RAB31: variants seen among roughly 807,000 people sequenced by gnomAD.
RAB31 encodes ras-related protein Rab-31.
Under a neutral mutation model 25.6 loss-of-function variants are expected in RAB31, and 21 were observed. The ratio of observed to expected loss-of-function variants is 0.82; its 90% CI spans 0.58 to 1.18. The LOEUF is 1.18. RAB31 is among the 50% of genes most tolerant of loss of function. The pLI, the probability that RAB31 is intolerant of heterozygous loss-of-function variation, is 0.00. For synonymous variants in RAB31, 87 were observed against 84.0 expected, an observed-to-expected ratio of 1.04 and a Z score of -0.20; for missense variants, 196 against 250.1, an observed-to-expected ratio of 0.78 and a Z score of 1.46.
rs549675266 is a variant in RAB31, at chr18:9,811,295, G to A, written c.202-2725G>A. ...TCCTTTCTCTTCAGGATGGAGACCT[G>A]CATGGAGGGACTGGAGGCAGGGAGG... is the stretch of plus-strand genomic sequence containing the variant. On this transcript the variant is annotated intron_variant, in intron 3 of 6. Coordinates refer to ENST00000578921, the MANE Select transcript of RAB31 (RefSeq NM_006868.4). 5.3e-5 allele frequency among the ~76,000 whole-genome samples: 8 copies of A among 152,292 alleles called. No homozygotes were observed. In the East Asian group the frequency reaches 1.5e-3, roughly 29 times the overall value.
chr18:9,739,352 G>A (rs925116731), intron 1 of RAB31, among the ~76,000 whole-genome samples: 35 of 152,212 alleles, frequency 2.3e-4, no homozygotes, highest in Non-Finnish European at 5.9e-5. Context: ...AGCACCTGTA[G>A]TCCCAGCTAC....
At position 9,718,568 on chromosome 18, in the gene RAB31, G is replaced by T. The variant is rs116207998; in HGVS notation, c.39+10124G>T. Among the ~76,000 whole-genome samples the T allele has an allele frequency of 8.7e-3, 1,318 of 152,226 alleles. 19 individuals carry two copies. The highest frequency in any genetic ancestry group is 0.03 in the African/African-American group (1,249 of 41,544). On this transcript the variant is annotated intron_variant, in intron 1 of 6. Coordinates refer to ENST00000578921, the MANE Select transcript of RAB31 (RefSeq NM_006868.4). ...GCCACTGCAACCAGCCTTATTTTCT[G>T]AACTTTCATAATAAACTTCTAAAGA...
At chr18:9,855,280 A>G (rs1347269653) in intron 6 of RAB31, among the ~76,000 whole-genome samples, 2 of 152,162 alleles carry the variant, frequency 1.3e-5, no homozygotes, top group African/African-American at 4.8e-5. Flanking sequence ...AACTTCTCCT[A>G]GACAGCATCT....
chr18:9,767,874 C>T (rs2068324331), intron 1 of RAB31, among the ~76,000 whole-genome samples: 1 of 152,098 alleles, frequency 6.6e-6, no homozygotes, highest in Non-Finnish European at 1.5e-5. Flanking sequence ...CCCCTAGCCC[C>T]CTGCCCCCTG....
rs755728327 is a variant in RAB31 at position 9,859,346 on chromosome 18, G to A, written c.*21G>A. The A allele has an allele frequency of 8.2e-6, 13 of 1,588,756 alleles. No individual in the cohort carries two copies. The South Asian group carries it at 1.3e-4, about 16-fold the overall frequency. On this transcript the variant is annotated 3_prime_UTR_variant, in exon 7 of 7. Coordinates refer to ENST00000578921, the MANE Select transcript of RAB31 (RefSeq NM_006868.4). ...GTTGACCCAAGGGCCGTGGTCCACG[G>A]TACTTGAAGAAGCCAGAGCCCACAT...
At chr18:9,832,539 G>C (rs183732081) in intron 5 of RAB31, among the ~76,000 whole-genome samples, 1 of 152,228 alleles carries the variant, frequency 6.6e-6, no homozygotes, top group African/African-American at 2.4e-5. Flanking sequence ...CGAAGGAGGA[G>C]AAGAAGGAAA....
intron 2 of RAB31, among the ~76,000 whole-genome samples, chr18:9,788,806 A>G (rs1246645508): frequency 6.6e-6 from 1 of 152,124 alleles, no homozygotes; most frequent in Non-Finnish European, 1.5e-5. Context: ...TCTCTACTAA[A>G]GTAAATTACA....
intron 1 of RAB31, among the ~76,000 whole-genome samples, chr18:9,732,090 C>T (rs1179871895): frequency 1.3e-5 from 2 of 152,196 alleles, no homozygotes; most frequent in African/African-American, 4.8e-5. Flanking sequence ...GATGCCCAGC[C>T]TCCGTCTCCC....
At chr18:9,710,575 G>A (rs1215933423) in intron 1 of RAB31, among the ~76,000 whole-genome samples, 13 of 152,126 alleles carry the variant, frequency 8.5e-5, no homozygotes, top group African/African-American at 2.7e-4. Context: ...AATCGTGGCC[G>A]GTCGCGTTGG....
chr18:9,816,603 G>T (rs1350267343), intron 5 of RAB31, among the ~76,000 whole-genome samples: 1 of 152,214 alleles, frequency 6.6e-6, no homozygotes, highest in Non-Finnish European at 1.5e-5. Flanking sequence ...CACATTGTAT[G>T]TGAGTACCTT....
At chr18:9,792,068 G>A in intron 2 of RAB31, 86 bp from the exon 3 acceptor site, 10 of 1,510,882 alleles carry the variant, frequency 6.6e-6, no homozygotes, top group Non-Finnish European at 8.9e-6. Flanking sequence ...GGGTCCTGCT[G>A]AGGTGTAGCA....
At chr18:9,765,996 A>G (rs1380884229) in intron 1 of RAB31, among the ~76,000 whole-genome samples, 1 of 151,968 alleles carries the variant, frequency 6.6e-6, no homozygotes, top group Non-Finnish European at 1.5e-5. Flanking sequence ...TCTTCCCCTT[A>G]GGCAAAGCTT....
Position 9,859,231 on chromosome 18 carries a change from G to A in RAB31, c.494G>A (p.Arg165His), listed in dbSNP as rs200908119. The A allele has an allele frequency of 5.5e-5, 89 of 1,612,866 alleles. No individual in the cohort carries two copies. The highest frequency in any genetic ancestry group is 5.5e-4 in the African/African-American group (41 of 74,838). ...CTTGGCCTCCTTTTTGTTGCAGGCC[G>A]CCAGATCCCACCCTTGGACCCCCAT... Reference protein sequence around the residue: ...NIEELFQGISRQIPPLDPHEN... With the variant: ...NIEELFQGISHQIPPLDPHEN... Residue 165 changes from arginine (R) to histidine (H), a missense_variant, in exon 7 of 7, where the codon CGC (arginine) becomes CAC (histidine). By Grantham distance (29) the Arg-to-His change is conservative. Coordinates refer to ENST00000578921, the MANE Select transcript of RAB31 (RefSeq NM_006868.4).
chr18:9,776,068 G>A (rs1045877645), intron 2 of RAB31, among the ~76,000 whole-genome samples: 1 of 152,188 alleles, frequency 6.6e-6, no homozygotes, highest in Non-Finnish European at 1.5e-5. Context: ...GAGATTACAG[G>A]CATGGGTCAC....
chr18:9,762,712 G>A (rs1315199375), intron 1 of RAB31, among the ~76,000 whole-genome samples: 1 of 152,196 alleles, frequency 6.6e-6, no homozygotes, highest in African/African-American at 2.4e-5. Context: ...AGGAGTTATG[G>A]AACTTGCTCT....
At chr18:9,815,040 TG>T in intron 4 of RAB31, 75 bp from the exon 5 acceptor site, 3 of 1,064,034 alleles carry the variant, frequency 2.8e-6, no homozygotes, top group Non-Finnish European at 4.2e-6. Flanking sequence ...TAAATTGTAC[TG>T]GGCTTGTATT....
At chr18:9,765,826 AGTCTTTG>A (rs2068313007) in intron 1 of RAB31, among the ~76,000 whole-genome samples, 1 of 151,968 alleles carries the variant, frequency 6.6e-6, no homozygotes, top group Admixed American at 6.6e-5. Context: ...TTTAACCTCC[AGTCTTTG>A]GTCCAGCCAA....
intron 3 of RAB31, among the ~76,000 whole-genome samples, chr18:9,809,056 G>A (rs980292177): frequency 1.0e-5 from 1 of 98,890 alleles, no homozygotes; most frequent in Admixed American, 1.2e-4. Flanking sequence ...GTGTGTGTGT[G>A]CGCGCGCACG....
At chr18:9,805,664 A>C (rs1599046289) in intron 3 of RAB31, among the ~76,000 whole-genome samples, 1 of 151,918 alleles carries the variant, frequency 6.6e-6, no homozygotes, top group African/African-American at 2.4e-5. Flanking sequence ...TGCCCACCAC[A>C]CTCCAGTTTC....
Sources: gnomAD v4.1 joint callset for allele counts (sites outside exome capture counted in the v4.1 genomes callset) on GRCh38, gnomAD v4.1.1 for gene constraint, MANE v1.5 for transcripts, NCBI Gene and HGNC (gene_info 2026-07-23, HGNC 2026-07-21) for gene names.